The following HELQ variants were observed in gnomAD, a reference collection of about 807,000 sequenced individuals.
The protein encoded by HELQ is helicase POLQ-like.
HELQ carries 77 observed loss-of-function variants against 111.6 expected under a neutral mutation model. The ratio of observed to expected loss-of-function variants is 0.69; its 90% confidence interval spans 0.57 to 0.83. HELQ has a LOEUF of 0.83. Ranked by LOEUF, HELQ falls within the 40% of genes least tolerant of loss-of-function variation. HELQ has a pLI of 0.00. For synonymous variants in HELQ, 438 were observed against 454.7 expected, an observed-to-expected ratio of 0.96 and a Z score of 0.47; for missense variants, 1,200 against 1,288.5, an observed-to-expected ratio of 0.93 and a Z score of 1.05.
intron 17 of HELQ, among the ~76,000 whole-genome samples, chr4:83,415,075 A>G (rs1400710022): frequency 6.6e-6 from 1 of 152,208 alleles, no homozygotes. Context: ...TTATATATGA[A>G]AATAGTAAAA....
chr4:83,440,721 T>TTTG (rs759948871), intron 7 of HELQ, among the ~76,000 whole-genome samples: 8 of 152,158 alleles, frequency 5.3e-5, no homozygotes, highest in Non-Finnish European at 1.2e-4. Flanking sequence ...AAATTATTCT[T>TTTG]TTGTTGTTGT....
chr4:83,431,650 T>C lies in HELQ; in HGVS notation c.2295+14A>G. The C allele has an allele frequency of 6.9e-7, 1 of 1,442,706 alleles. No homozygotes were observed. The highest frequency in any genetic ancestry group is 1.9e-5 in the Admixed American group (1 of 51,310). 89.4% of individuals were successfully genotyped at this position (1,442,706 alleles called of 1,614,324 possible). ...CAGATAACAGTAATAAGATAAAAAA[T>C]TTAAGAAAAATACCTTCAAACCAAT... On this transcript the variant is annotated intron_variant, in intron 11 of 17. Transcript: ENST00000295488.
rs372600577 is a variant in HELQ at position 83,429,680 on chromosome 4, C to T, written c.2362G>A (p.Val788Ile). 1 of 1,613,484 alleles carries T rather than the reference C, an allele frequency of 6.2e-7. No individual in the cohort carries two copies. Among genetic ancestry groups the T allele is most frequent in the East Asian group, 2.2e-5 (1 of 44,794 alleles). The change falls in exon 12 of 18, where the codon GTT becomes ATT. Residue 788 changes from valine (V) to isoleucine (I), a missense_variant. Physicochemically the swap from Val to Ile is conservative, Grantham distance 29 (BLOSUM62 3). This residue lies in a region of HELQ where 585 missense variants were observed against 665.3 expected (regional missense o/e 0.88). Coordinates refer to ENST00000295488, the MANE Select transcript of HELQ (RefSeq NM_133636.5). ...CAGAGACTTTTTTCTTTCAATAAAA[C>T]CTTTTGCTGAACACCAAAAAATGTA... ...NGTFFGVQQK[V>I]LLKEKSLWEI...
chr4:83,418,882 C>T (rs140286999), intron 15 of HELQ, among the ~76,000 whole-genome samples: 1 of 152,242 alleles, frequency 6.6e-6, no homozygotes, highest in East Asian at 1.9e-4. Flanking sequence ...ACTATTGAAT[C>T]AATCAATCCT....
intron 6 of HELQ, among the ~76,000 whole-genome samples, chr4:83,441,865 C>T (rs1308517034): frequency 1.3e-5 from 2 of 151,350 alleles, no homozygotes; most frequent in Admixed American, 6.6e-5. Context: ...CCTCAACCTC[C>T]AGGGCTCATG....
At chr4:83,417,512 T>A (rs908815520) in intron 16 of HELQ, among the ~76,000 whole-genome samples, 6 of 152,100 alleles carry the variant, frequency 3.9e-5, no homozygotes, top group African/African-American at 9.7e-5. Context: ...AAGTCCAATA[T>A]CTTTCAGTGT....
chr4:83,448,788 C>T lies in HELQ; in HGVS notation c.1186G>A (p.Glu396Lys). 6.2e-7 allele frequency: 1 copy of T among 1,612,134 alleles called. No individual in the cohort carries two copies. Among genetic ancestry groups the T allele is most frequent in the Non-Finnish European group, 8.5e-7 (1 of 1,178,978 alleles). Residue 396 changes from glutamate (E) to lysine (K), a missense_variant, in exon 3 of 18, where the codon GAA (glutamate) becomes AAA (lysine). Around this residue, in one of 3 missense-constraint regions of HELQ, gnomAD observed 610 missense variants for 607.1 expected, o/e 1.00. Transcript: ENST00000295488. ...AAACATACACACACACACACCTTTT[C>T]TTGGACAATTGCCACATATGGAAGA... ...MILPYVAIVQ[E>K]KISGLSSFGI...
Position 83,429,662 on chromosome 4 carries a change from T to A in HELQ, c.2380A>T (p.Ser794Cys). Residue 794 changes from serine (S) to cysteine (C), a missense_variant, in exon 12 of 18, where the codon AGT (serine) becomes TGT (cysteine). Transcript: ENST00000295488. ...GATTCAACAGTTATTTCCCAGAGAC[T>A]TTTTTCTTTCAATAAAACCTTTTGC... The part of the protein sequence containing the change: ...VQQKVLLKEK[S>C]LWEITVESLR... 6.2e-7 allele frequency: 1 copy of A among 1,613,300 alleles called. No individual in the cohort carries two copies. Among genetic ancestry groups the A allele is most frequent in the Non-Finnish European group, 8.5e-7 (1 of 1,179,378 alleles).
intron 14 of HELQ, 87 bp from the exon 15 acceptor site, chr4:83,421,823 G>T (rs1473693826): frequency 3.1e-6 from 3 of 971,306 alleles, no homozygotes; most frequent in African/African-American, 1.6e-5. Context: ...AACTGAAGTT[G>T]TATTACAGAA....
chr4:83,452,841 G>A (rs1435650415), intron 2 of HELQ, among the ~76,000 whole-genome samples: 1 of 152,178 alleles, frequency 6.6e-6, no homozygotes, highest in African/African-American at 2.4e-5. Flanking sequence ...CAGAATTAGA[G>A]TGGGGTAATT....
At chr4:83,414,232 T>G (rs1025651821) in intron 17 of HELQ, among the ~76,000 whole-genome samples, 1 of 152,148 alleles carries the variant, frequency 6.6e-6, no homozygotes, top group African/African-American at 2.4e-5. Context: ...AGTTCAACAG[T>G]ACATTGTAGG....
intron 17 of HELQ, among the ~76,000 whole-genome samples, chr4:83,409,972 C>T (rs193049008): frequency 3.3e-5 from 5 of 152,032 alleles, no homozygotes; most frequent in South Asian, 2.1e-4. Context: ...CGAGATAGGC[C>T]GGGCATGGTG....
intron 1 of HELQ, among the ~76,000 whole-genome samples, chr4:83,454,753 A>G (rs1721645527): frequency 6.6e-6 from 1 of 152,070 alleles, no homozygotes; most frequent in Non-Finnish European, 1.5e-5. Flanking sequence ...AGCTGTACTA[A>G]AACAGCAGGA....
chr4:83,420,128 A>G (rs1376640881), intron 15 of HELQ, among the ~76,000 whole-genome samples: 1 of 152,244 alleles, frequency 6.6e-6, no homozygotes, highest in Non-Finnish European at 1.5e-5. Context: ...ACACATAAAA[A>G]AAGTATCTGG....
intron 11 of HELQ, among the ~76,000 whole-genome samples, chr4:83,430,051 T>G (rs187345242): frequency 2.6e-5 from 4 of 151,864 alleles, no homozygotes; most frequent in African/African-American, 7.2e-5. Flanking sequence ...TGCTATTTAC[T>G]CCCCAACCAA....
At chr4:83,421,820 G>T in intron 14 of HELQ, 84 bp from the exon 15 acceptor site, 1 of 1,017,280 alleles carries the variant, frequency 9.8e-7, no homozygotes, top group Non-Finnish European at 1.5e-6. Flanking sequence ...GAAAACTGAA[G>T]TTGTATTACA....
At chr4:83,417,190 C>CTTTT (rs1739407669) in intron 16 of HELQ, among the ~76,000 whole-genome samples, 1 of 150,892 alleles carries the variant, frequency 6.6e-6, no homozygotes, top group African/African-American at 2.4e-5. Context: ...TTTCTTTCTT[C>CTTTT]TTTTTCTTTT....
At chr4:83,452,729 G>C (rs559883080) in intron 2 of HELQ, among the ~76,000 whole-genome samples, 1 of 152,148 alleles carries the variant, frequency 6.6e-6, no homozygotes, top group Admixed American at 6.5e-5. Flanking sequence ...AATAGCATCA[G>C]GTAAGTTATT....
chr4:83,434,788 T>C (rs138296738), intron 9 of HELQ, among the ~76,000 whole-genome samples: 40 of 152,294 alleles, frequency 2.6e-4, no homozygotes, highest in East Asian at 7.7e-4. Context: ...AAAAATTACA[T>C]GGCACAAACG....
Sources: gnomAD v4.1 joint callset for allele counts (sites outside exome capture counted in the v4.1 genomes callset) on GRCh38, gnomAD v4.1.1 for gene constraint, gnomAD v4.1.1 regional missense constraint, MANE v1.5 for transcripts, NCBI Gene and HGNC (gene_info 2026-07-23, HGNC 2026-07-21) for gene names.